SH2D4B: variants seen among roughly 807,000 people sequenced by gnomAD.
The protein encoded by SH2D4B is SH2 domain-containing protein 4B.
In SH2D4B, 45 loss-of-function variants were observed where a neutral mutation model predicts 61.5. The observed-to-expected ratio is 0.73, with a 90% CI of 0.58 to 0.94. The LOEUF (loss-of-function observed/expected upper bound fraction) is 0.94, where lower values mean the gene tolerates loss of function less well. SH2D4B is among the 40% of genes least tolerant of loss of function. The pLI is 0.00. For synonymous variants in SH2D4B, 224 were observed against 220.4 expected (o/e 1.02, Z -0.14); for missense variants, 572 against 574.2 (o/e 1.00, Z 0.04).
chr10:80,542,939 G>C (rs901460308), intron 1 of SH2D4B, among the ~76,000 whole-genome samples: 6 of 152,196 alleles, frequency 3.9e-5, no homozygotes, highest in Admixed American at 6.5e-5. Flanking sequence ...AGCCAGCAGA[G>C]TGCTCTGAGC....
At chr10:80,546,818 C>T (rs1041195224) in intron 1 of SH2D4B, among the ~76,000 whole-genome samples, 7 of 152,116 alleles carry the variant, frequency 4.6e-5, no homozygotes, top group Non-Finnish European at 7.3e-5. Context: ...TGAGCCACCG[C>T]GCCCAGCCAG....
chr10:80,634,546 G>A (rs780568639), intron 7 of SH2D4B, 41 bp downstream of exon 7: 94 of 1,542,738 alleles, frequency 6.1e-5, no homozygotes, highest in Non-Finnish European at 3.7e-5. Flanking sequence ...AGGGGGAACT[G>A]GTGGAAATTG....
intron 2 of SH2D4B, among the ~76,000 whole-genome samples, chr10:80,570,618 C>T (rs1426592283): frequency 6.6e-6 from 1 of 152,190 alleles, no homozygotes; most frequent in Non-Finnish European, 1.5e-5. Flanking sequence ...CCTAATGTAA[C>T]CATAGTGAAT....
At chr10:80,550,901 AG>A (rs1413470644) in intron 1 of SH2D4B, among the ~76,000 whole-genome samples, 2 of 152,148 alleles carry the variant, frequency 1.3e-5, no homozygotes, top group African/African-American at 2.4e-5. Context: ...CATATATTGC[AG>A]GTGGTTAAAG....
intron 5 of SH2D4B, among the ~76,000 whole-genome samples, chr10:80,604,627 A>C (rs1842494031): frequency 6.6e-6 from 1 of 151,644 alleles, no homozygotes; most frequent in African/African-American, 2.4e-5. Flanking sequence ...GGGACAGTTG[A>C]TGTCTTCATT....
chr10:80,556,990 G>A (rs956396811), intron 1 of SH2D4B, among the ~76,000 whole-genome samples: 4 of 152,112 alleles, frequency 2.6e-5, no homozygotes, highest in African/African-American at 9.7e-5. Context: ...TTAGAGGGAA[G>A]TATTCAATCT....
intron 6 of SH2D4B, among the ~76,000 whole-genome samples, chr10:80,613,174 G>A (rs1014384781): frequency 6.6e-6 from 1 of 152,192 alleles, no homozygotes; most frequent in Non-Finnish European, 1.5e-5. Context: ...GTTCTAGGTA[G>A]AGTCTCCTGG....
At chr10:80,585,088 A>C (rs1027875211) in intron 3 of SH2D4B, among the ~76,000 whole-genome samples, 1 of 152,234 alleles carries the variant, frequency 6.6e-6, no homozygotes, top group East Asian at 1.9e-4. Flanking sequence ...ATGTAAACAA[A>C]GGTAGAAGAA....
intron 1 of SH2D4B, among the ~76,000 whole-genome samples, chr10:80,557,894 G>C (rs1321591932): frequency 1.3e-5 from 2 of 151,844 alleles, no homozygotes; most frequent in Non-Finnish European, 2.9e-5. Context: ...GATTTAATTT[G>C]TTCTTGTTTT....
intron 1 of SH2D4B, among the ~76,000 whole-genome samples, chr10:80,553,364 T>G (rs1012339616): frequency 2.6e-5 from 4 of 152,260 alleles, no homozygotes; most frequent in Non-Finnish European, 5.9e-5. Flanking sequence ...TCCCTCATTT[T>G]ACAGATTAAG....
chr10:80,539,217 A>G lies in SH2D4B; in HGVS notation c.184+702A>G, dbSNP rs1841546587. ...CACCTGTGGGTGAAGGAAATCATCC[A>G]GGACCCCTGGGCCAGAAACTGGCAG... On this transcript the variant is annotated intron_variant, in intron 1 of 7. Transcript: ENST00000646907. The surrounding 1 kb of genome is among the most constrained non-coding windows in gnomAD (Gnocchi z 4.9). Among the ~76,000 whole-genome samples, 1 of 152,264 alleles carries G rather than the reference A, an allele frequency of 6.6e-6. No homozygotes were observed. Among genetic ancestry groups the G allele is most frequent in the South Asian group, 2.1e-4 (1 of 4,836 alleles).
At chr10:80,586,030 C>T (rs1842242592) in intron 3 of SH2D4B, among the ~76,000 whole-genome samples, 2 of 152,300 alleles carry the variant, frequency 1.3e-5, no homozygotes, top group Middle Eastern at 6.8e-3. Context: ...CCAGCAGCTG[C>T]GGAGAGTGTG....
intron 6 of SH2D4B, among the ~76,000 whole-genome samples, chr10:80,622,517 C>T (rs577553467): frequency 2.0e-4 from 30 of 152,314 alleles, no homozygotes; most frequent in African/African-American, 6.3e-4. Flanking sequence ...TTTCTGAAGT[C>T]TCCAGGCTCT....
At chr10:80,611,982 G>A (rs1259879210) in intron 6 of SH2D4B, among the ~76,000 whole-genome samples, 1 of 152,082 alleles carries the variant, frequency 6.6e-6, no homozygotes, top group Non-Finnish European at 1.5e-5. Flanking sequence ...AAAGAAAAAG[G>A]CTCACATATG....
chr10:80,620,274 C>T (rs990215293), intron 6 of SH2D4B, among the ~76,000 whole-genome samples: 18 of 152,106 alleles, frequency 1.2e-4, no homozygotes, highest in African/African-American at 4.3e-4. Flanking sequence ...CTCATGAGAT[C>T]TGGTTGTTTA....
At position 80,538,600 on chromosome 10, in the gene SH2D4B, C is replaced by A; in HGVS notation, c.184+85C>A. On this transcript the variant is annotated intron_variant, in intron 1 of 7. Coordinates refer to ENST00000646907, the MANE Select transcript of SH2D4B (RefSeq NM_001388272.1). This position sits in a 1 kb window ranked among gnomAD's most constrained non-coding sequence, Gnocchi z 4.8. ...AGCAGGGCCAGGCTGTGCCCTTCTT[C>A]AAGATGGGCACTGGGGTGATGAGGG... is the stretch of plus-strand genomic sequence containing the variant. 8.8e-7 allele frequency: 1 copy of A among 1,134,228 alleles called. No homozygotes were observed. The highest frequency in any genetic ancestry group is 1.2e-6 in the Non-Finnish European group (1 of 866,848). The allele number at this position is 1,134,228 out of a possible 1,614,324, so 70.3% of individuals were successfully genotyped here.
chr10:80,599,647 A>G (rs900030753), intron 4 of SH2D4B, among the ~76,000 whole-genome samples: 3 of 152,166 alleles, frequency 2.0e-5, no homozygotes, highest in Non-Finnish European at 4.4e-5. Flanking sequence ...CAGGACCACA[A>G]GGGTGGTTGG....
intron 1 of SH2D4B, among the ~76,000 whole-genome samples, chr10:80,545,897 T>C (rs1420727070): frequency 6.6e-6 from 1 of 152,230 alleles, no homozygotes; most frequent in African/African-American, 2.4e-5. Context: ...CTTTGGGATT[T>C]GTTGTAGAGG....
chr10:80,628,195 T>C (rs1205510226), intron 6 of SH2D4B, among the ~76,000 whole-genome samples: 5 of 152,124 alleles, frequency 3.3e-5, no homozygotes, highest in Non-Finnish European at 4.4e-5. Context: ...CAGAGGGTGA[T>C]ATGGTTTTGC....
Sources: allele counts gnomAD v4.1 joint callset (sites outside exome capture counted in the v4.1 genomes callset), GRCh38; gene constraint gnomAD v4.1.1; non-coding constraint Gnocchi (gnomAD v3.1); transcripts MANE v1.5; gene names NCBI Gene and HGNC (gene_info 2026-07-23, HGNC 2026-07-21).